The following CAMK1D variants were observed in gnomAD, a reference collection of about 807,000 sequenced individuals.
CAMK1D encodes the protein calcium/calmodulin dependent protein kinase ID, also known as calcium/calmodulin-dependent protein kinase type 1D.
Under a neutral mutation model 47.7 loss-of-function variants are expected in CAMK1D, and 9 were observed. The ratio of observed to expected loss-of-function variants is 0.19; its 90% CI spans 0.11 to 0.33. CAMK1D has a LOEUF of 0.33. Ranked by LOEUF, CAMK1D falls within the 10% of genes least tolerant of loss-of-function variation. The pLI is 1.00. For missense variants in CAMK1D, 291 were observed against 488.7 expected (o/e 0.60, Z 3.81); for synonymous variants, 184 against 184.9 (o/e 0.99, Z 0.04).
At chr10:12,465,083 A>G (rs752651261) in intron 1 of CAMK1D, among the ~76,000 whole-genome samples, 1 of 152,198 alleles carries the variant, frequency 6.6e-6, no homozygotes, top group African/African-American at 2.4e-5. Context: ...CCCATAAAGC[A>G]CGCAGTTTGT....
chr10:12,815,363 C>T (rs1832753143), intron 7 of CAMK1D, among the ~76,000 whole-genome samples: 1 of 152,332 alleles, frequency 6.6e-6, no homozygotes, highest in Admixed American at 6.5e-5. Context: ...ACAATGCGTT[C>T]TAGTCTCCGT....
intron 2 of CAMK1D, among the ~76,000 whole-genome samples, chr10:12,557,551 CAA>C (rs5783273): frequency 0.04 from 3,354 of 84,460 alleles, 122 homozygotes; most frequent in African/African-American, 0.13. Flanking sequence ...GACTCCATCT[CAA>C]AAAAAAAAAA....
intron 2 of CAMK1D, among the ~76,000 whole-genome samples, chr10:12,565,741 T>C (rs911806351): frequency 6.6e-5 from 10 of 152,188 alleles, no homozygotes; most frequent in Admixed American, 5.2e-4. Context: ...GAATTTGGAC[T>C]TATTTAAGAC....
intron 2 of CAMK1D, among the ~76,000 whole-genome samples, chr10:12,580,682 C>G (rs1837637412): frequency 6.6e-6 from 1 of 152,118 alleles, no homozygotes; most frequent in African/African-American, 2.4e-5. Flanking sequence ...CATATGGACC[C>G]CAGCCTAAGA....
chr10:12,454,607 C>T (rs906945618), intron 1 of CAMK1D, among the ~76,000 whole-genome samples: 7 of 152,132 alleles, frequency 4.6e-5, no homozygotes, highest in East Asian at 1.9e-4. Context: ...GGACTATAGG[C>T]GTGCACTGCC....
At chr10:12,588,302 C>G (rs749927775) in intron 2 of CAMK1D, among the ~76,000 whole-genome samples, 1 of 152,028 alleles carries the variant, frequency 6.6e-6, no homozygotes, top group Admixed American at 6.5e-5. Flanking sequence ...GAATAATGAT[C>G]GGACACCCTG....
Position 12,825,681 on chromosome 10 carries a change from CA to C in CAMK1D, c.1035del (p.Asp346ThrfsTer32). 3.7e-6 allele frequency: 6 copies of C among 1,614,226 alleles called. No individual in the cohort carries two copies. The highest frequency in any genetic ancestry group is 5.1e-6 in the Non-Finnish European group (6 of 1,180,046). On this transcript the variant is annotated frameshift_variant, in exon 10 of 11. Coordinates refer to ENST00000619168, the MANE Select transcript of CAMK1D (RefSeq NM_153498.4). LOFTEE classifies it high-confidence loss of function. ...TTCGAGCAGCCTCAGTTTGGCCAGC[CA>C]AAAAGACTGTGCGTATGTAGCAAAA... ...SVSSSLSLAS[Q>X]KDCLAPSTLC...
intron 1 of CAMK1D, among the ~76,000 whole-genome samples, chr10:12,507,489 C>T (rs759755616): frequency 1.3e-5 from 2 of 152,056 alleles, no homozygotes; most frequent in African/African-American, 2.4e-5. Context: ...AATAATTTCC[C>T]TGTAATATCA....
chr10:12,521,217 T>A (rs34418079), intron 1 of CAMK1D, among the ~76,000 whole-genome samples: 30 of 152,178 alleles, frequency 2.0e-4, no homozygotes, highest in Non-Finnish European at 3.2e-4. Context: ...TGTTATATGT[T>A]TGATTTTAGA....
intron 1 of CAMK1D, among the ~76,000 whole-genome samples, chr10:12,436,230 C>T (rs1363847394): frequency 6.6e-6 from 1 of 152,132 alleles, no homozygotes; most frequent in African/African-American, 2.4e-5. Flanking sequence ...ACATGTGTGC[C>T]CAGGGGTGGG....
intron 3 of CAMK1D, among the ~76,000 whole-genome samples, chr10:12,702,626 A>T (rs936323558): frequency 1.4e-4 from 22 of 152,226 alleles, no homozygotes; most frequent in African/African-American, 4.6e-4. Flanking sequence ...AATCCCCGAT[A>T]CGAGGTAGGT....
chr10:12,549,300 G>T (rs1255211333), intron 1 of CAMK1D, among the ~76,000 whole-genome samples: 2 of 152,208 alleles, frequency 1.3e-5, no homozygotes, highest in Non-Finnish European at 2.9e-5. Context: ...CCTGTAAGTA[G>T]AATCATACGG....
intron 1 of CAMK1D, among the ~76,000 whole-genome samples, chr10:12,514,560 G>A (rs1053454979): frequency 6.6e-6 from 1 of 152,350 alleles, no homozygotes; most frequent in South Asian, 2.1e-4. Context: ...AAGTCAAGAA[G>A]TATGTGGGGC....
chr10:12,573,541 G>A (rs1837392040), intron 2 of CAMK1D, among the ~76,000 whole-genome samples: 1 of 152,124 alleles, frequency 6.6e-6, no homozygotes, highest in African/African-American at 2.4e-5. Context: ...CTGCAGTTCT[G>A]GCTTCTAGAA....
intron 6 of CAMK1D, among the ~76,000 whole-genome samples, chr10:12,801,323 ATC>A (rs1838434282): frequency 8.8e-6 from 1 of 113,792 alleles, no homozygotes; most frequent in African/African-American, 4.1e-5. Flanking sequence ...CTATCTATCT[ATC>A]TATCTATCTA....
chr10:12,795,398 G>C (rs1052037958), intron 6 of CAMK1D, among the ~76,000 whole-genome samples: 1 of 152,114 alleles, frequency 6.6e-6, no homozygotes, highest in Non-Finnish European at 1.5e-5. Context: ...CACCGTGCCT[G>C]GTCTCCCATT....
At chr10:12,351,385 G>A (rs1402140159) in intron 1 of CAMK1D, among the ~76,000 whole-genome samples, 1 of 152,190 alleles carries the variant, frequency 6.6e-6, no homozygotes, top group Non-Finnish European at 1.5e-5. Context: ...AATTGCCACT[G>A]AGGTTTATTC....
chr10:12,389,187 G>A (rs889864975), intron 1 of CAMK1D, among the ~76,000 whole-genome samples: 1 of 104,096 alleles, frequency 9.6e-6, no homozygotes, highest in African/African-American at 2.7e-5. Context: ...CTAGGGTGGC[G>A]TGGGGGTGTG....
At chr10:12,826,316 C>T (rs373822054) in intron 10 of CAMK1D, among the ~76,000 whole-genome samples, 54 of 152,212 alleles carry the variant, frequency 3.5e-4, no homozygotes, top group African/African-American at 1.3e-3. Context: ...GTCACTCTTG[C>T]GGATTGAGGA....
Sources: gnomAD v4.1 joint callset for allele counts (sites outside exome capture counted in the v4.1 genomes callset) on GRCh38, gnomAD v4.1.1 for gene constraint, MANE v1.5 for transcripts, NCBI Gene and HGNC (gene_info 2026-07-23, HGNC 2026-07-21) for gene names.